The following ZNF454 variants were observed in gnomAD, a reference collection of about 807,000 sequenced individuals.
ZNF454 encodes the protein zinc finger protein 454.
In ZNF454, 30 loss-of-function variants were observed where a neutral mutation model predicts 48.2. That is an observed-to-expected ratio of 0.62 (90% confidence interval 0.47 to 0.84). The LOEUF (loss-of-function observed/expected upper bound fraction) is 0.84, where lower values mean the gene tolerates loss of function less well. Ranked by LOEUF, ZNF454 falls within the 40% of genes least tolerant of loss-of-function variation. The pLI is 0.00. For missense variants in ZNF454, 510 were observed against 623.1 expected (o/e 0.82, Z 1.93); for synonymous variants, 204 against 211.4 (o/e 0.97, Z 0.30).
At chr5:178,945,631 T>TTG (rs965981207) in intron 2 of ZNF454, among the ~76,000 whole-genome samples, 5 of 145,054 alleles carry the variant, frequency 3.4e-5, no homozygotes, top group Non-Finnish European at 3.0e-5. Flanking sequence ...GGTGTGTGTT[T>TTG]TGTGTGTGTG....
the ZNF454 span, among the ~76,000 whole-genome samples, chr5:178,977,909 C>T: frequency 6.6e-6 from 1 of 152,208 alleles, no homozygotes; most frequent in South Asian, 2.1e-4. Context: ...TACTAATTTA[C>T]TTCTCTACAC....
intron 4 of ZNF454, among the ~76,000 whole-genome samples, chr5:178,958,629 T>C (rs1342658615): frequency 6.6e-6 from 1 of 152,242 alleles, no homozygotes; most frequent in East Asian, 1.9e-4. Context: ...ATTATGCATA[T>C]GCAAACTCTA....
chr5:178,969,635 C>T (rs540592607), downstream of ZNF454: 47 of 456,788 alleles, frequency 1.0e-4, no homozygotes, highest in Admixed American at 5.2e-4. Context: ...TGGTACACCA[C>T]GACCATGACC....
At chr5:178,959,151 A>G (rs952557441) in intron 4 of ZNF454, among the ~76,000 whole-genome samples, 9 of 152,166 alleles carry the variant, frequency 5.9e-5, no homozygotes, top group African/African-American at 2.2e-4. Flanking sequence ...TCTACAGTCC[A>G]TATGGAAGAT....
At chr5:178,950,238 A>T (rs1391350054) in intron 4 of ZNF454, among the ~76,000 whole-genome samples, 1 of 152,164 alleles carries the variant, frequency 6.6e-6, no homozygotes, top group Non-Finnish European at 1.5e-5. Flanking sequence ...TAGTTTTTCT[A>T]TTCTCTGTGC....
the ZNF454 span, chr5:178,978,607 G>A: frequency 1.3e-5 from 2 of 152,296 alleles, no homozygotes; most frequent in East Asian, 1.9e-4. Flanking sequence ...ACATCAGAAC[G>A]TAATCTTACT....
chr5:178,987,878 G>A, the ZNF454 span, among the ~76,000 whole-genome samples: 1 of 149,370 alleles, frequency 6.7e-6, no homozygotes, highest in African/African-American at 2.5e-5. Context: ...TCCTGTCTCA[G>A]ACTCCCGAGT....
the ZNF454 span, chr5:178,989,220 A>ATG: frequency 4.9e-6 from 4 of 817,262 alleles, no homozygotes; most frequent in Non-Finnish European, 7.1e-6. Flanking sequence ...CACCCTCACC[A>ATG]CCCTCCCCAC....
At chr5:178,972,957 A>T in the ZNF454 span, among the ~76,000 whole-genome samples, 6 of 149,904 alleles carry the variant, frequency 4.0e-5, no homozygotes, top group African/African-American at 1.5e-4. Flanking sequence ...CCTGCCATAG[A>T]CTCTTGTAAC....
At chr5:178,976,141 A>G in the ZNF454 span, 6 of 454,970 alleles carry the variant, frequency 1.3e-5, no homozygotes, top group South Asian at 7.8e-5. Context: ...AGATATCCCC[A>G]TGGCTCACTC....
At chr5:178,957,099 G>A (rs527525832) in intron 4 of ZNF454, among the ~76,000 whole-genome samples, 1 of 152,144 alleles carries the variant, frequency 6.6e-6, no homozygotes, top group Admixed American at 6.5e-5. Context: ...GGCCAGGGTG[G>A]TCTCGATCTC....
At chr5:178,968,820 T>C (rs1301284150), downstream of ZNF454, 8 of 456,666 alleles carry the variant, frequency 1.8e-5, no homozygotes, top group Non-Finnish European at 2.6e-5. Flanking sequence ...CTACTTGGTA[T>C]GTGCCTACCG....
At chr5:178,975,182 G>C in the ZNF454 span, among the ~76,000 whole-genome samples, 1 of 152,146 alleles carries the variant, frequency 6.6e-6, no homozygotes, top group Non-Finnish European at 1.5e-5. Flanking sequence ...TCAGGAGACT[G>C]AGGCAGGAGA....
At chr5:178,950,580 CCAAAGGCTCACCAATGCTCGGT>C (rs1218915877) in intron 4 of ZNF454, among the ~76,000 whole-genome samples, 1 of 152,168 alleles carries the variant, frequency 6.6e-6, no homozygotes, top group Non-Finnish European at 1.5e-5. Context: ...GAATGCTCAG[CCAAAGGCTCACCAATGCTCGGT>C]GATTCCTTAA....
chr5:178,981,908 G>A, the ZNF454 span: 22 of 1,057,082 alleles, frequency 2.1e-5, no homozygotes, highest in East Asian at 2.6e-4. The surrounding 1 kb of genome is among the most constrained non-coding windows in gnomAD (Gnocchi z 5.1). Flanking sequence ...TCCCTGCCCC[G>A]CTCCACACAG....
At chr5:178,961,805 G>A (rs1179486424) in intron 4 of ZNF454, among the ~76,000 whole-genome samples, 4 of 145,574 alleles carry the variant, frequency 2.7e-5, no homozygotes, top group East Asian at 2.2e-4. Flanking sequence ...GCAACAGAGC[G>A]AGACTCTGTC....
At chr5:178,975,671 C>G in the ZNF454 span, 1 of 419,424 alleles carries the variant, frequency 2.4e-6, no homozygotes, top group African/African-American at 2.0e-5. Flanking sequence ...GCCTACAGGG[C>G]CACACATGGT....
At chr5:178,983,467 C>T in the ZNF454 span, 146 of 685,156 alleles carry the variant, frequency 2.1e-4, no homozygotes, top group Non-Finnish European at 3.1e-4. Flanking sequence ...AGGGCTGTGC[C>T]GCCCGTATAT....
intron 4 of ZNF454, among the ~76,000 whole-genome samples, chr5:178,951,080 G>C (rs1197780309): frequency 2.0e-5 from 3 of 151,878 alleles, no homozygotes; most frequent in Non-Finnish European, 4.4e-5. Flanking sequence ...AGATGCTCTC[G>C]ATCTCCTGAC....
Sources: gnomAD v4.1 joint callset for allele counts (sites outside exome capture counted in the v4.1 genomes callset) on GRCh38, gnomAD v4.1.1 for gene constraint, Gnocchi (gnomAD v3.1) non-coding constraint, MANE v1.5 for transcripts, NCBI Gene and HGNC (gene_info 2026-07-23, HGNC 2026-07-21) for gene names.